MKX: variants seen among roughly 807,000 people sequenced by gnomAD.
The protein encoded by MKX is mohawk homeobox.
A neutral mutation model predicts 36.0 loss-of-function variants in MKX; 13 were observed. The observed-to-expected ratio is 0.36, with a 90% CI of 0.24 to 0.57. MKX has a LOEUF of 0.57. Ranked by LOEUF, MKX falls within the 20% of genes least tolerant of loss-of-function variation. MKX has a pLI of 0.79. For missense variants in MKX, 458 were observed against 456.4 expected (o/e 1.00, Z -0.03); for synonymous variants, 176 against 178.3 (o/e 0.99, Z 0.10).
chr10:27,741,279 C>G lies in MKX; in HGVS notation c.348+66G>C, dbSNP rs1045034974. 11 of 1,595,720 alleles carry G rather than the reference C, an allele frequency of 6.9e-6. No homozygotes were observed. In the African/African-American group the frequency reaches 1.4e-4, roughly 20 times the overall value. On this transcript the variant is annotated intron_variant, in intron 3 of 6. Transcript: ENST00000419761. The surrounding 1 kb of genome is among the most constrained non-coding windows in gnomAD (Gnocchi z 5.1). ...CGCCACGTGGAGAGCCACACGAACT[C>G]TAAGCGTTCCCGCTCTTCAGCCCCT...
intron 5 of MKX, among the ~76,000 whole-genome samples, chr10:27,694,527 A>T (rs57627584): frequency 0.041 from 4,701 of 114,338 alleles, 259 homozygotes; most frequent in African/African-American, 0.13. Context: ...AAAAAAAAAA[A>T]ATATATATAT....
chr10:27,696,550 A>G (rs889219465), intron 5 of MKX, among the ~76,000 whole-genome samples: 3 of 152,184 alleles, frequency 2.0e-5, no homozygotes, highest in African/African-American at 7.2e-5. Flanking sequence ...AAAATTCTCA[A>G]AAGAGCACAA....
intron 1 of MKX, 158 bp downstream of exon 1, chr10:27,745,549 T>C (rs1402790402): frequency 2.0e-5 from 3 of 152,408 alleles, no homozygotes; most frequent in Non-Finnish European, 4.4e-5. Context: ...GCGCAGACCC[T>C]TGGGCCAGCC....
chr10:27,740,979 T>C (rs921734762), intron 3 of MKX, among the ~76,000 whole-genome samples: 3 of 152,116 alleles, frequency 2.0e-5, no homozygotes, highest in African/African-American at 7.2e-5. Flanking sequence ...ACCTGGGGCC[T>C]TGTAAGAGAT....
intron 3 of MKX, among the ~76,000 whole-genome samples, chr10:27,737,093 A>G (rs1312623225): frequency 6.6e-6 from 1 of 152,170 alleles, no homozygotes; most frequent in Non-Finnish European, 1.5e-5. Context: ...AGCGGAAAAG[A>G]ACTACACATA....
chr10:27,711,498 C>CTTTCTTTCT (rs1836866346), intron 5 of MKX, among the ~76,000 whole-genome samples: 1 of 52,984 alleles, frequency 1.9e-5, no homozygotes, highest in African/African-American at 1.3e-4. Flanking sequence ...TCTCTCTCTT[C>CTTTCTTTCT]TTTCCTTCCT....
intron 3 of MKX, among the ~76,000 whole-genome samples, chr10:27,740,083 G>A (rs1221944262): frequency 1.3e-5 from 2 of 152,070 alleles, no homozygotes; most frequent in Non-Finnish European, 2.9e-5. Flanking sequence ...AGATGTTTTT[G>A]TATATAATTA....
chr10:27,699,747 C>T (rs1414618175), intron 5 of MKX, among the ~76,000 whole-genome samples: 1 of 152,144 alleles, frequency 6.6e-6, no homozygotes, highest in Non-Finnish European at 1.5e-5. Flanking sequence ...CTTTGGGGTG[C>T]ATGTGTGACG....
intron 5 of MKX, among the ~76,000 whole-genome samples, chr10:27,700,118 G>GT (rs770297051): frequency 7.9e-5 from 12 of 152,176 alleles, no homozygotes; most frequent in Non-Finnish European, 1.5e-4. Flanking sequence ...TTCACAATAT[G>GT]TTTTTGGGAT....
rs1419327448 is a variant in MKX at position 27,744,307 on chromosome 10, G to A, written c.-82-810C>T. Among the ~76,000 whole-genome samples, 2 of 152,054 alleles carry A rather than the reference G, an allele frequency of 1.3e-5. No individual in the cohort carries two copies. Among genetic ancestry groups the A allele is most frequent in the Non-Finnish European group, 2.9e-5 (2 of 67,992 alleles). On this transcript the variant is annotated intron_variant, in intron 1 of 6. Transcript: ENST00000419761. This position sits in a 1 kb window ranked among gnomAD's most constrained non-coding sequence, Gnocchi z 5.6. ...CTCTTCCGCAGCGCGGGTGTCAGCCGCGAGCTCGTAGCCCCTCGACACCCG... is the reference window on the plus strand; with the variant it reads ...CTCTTCCGCAGCGCGGGTGTCAGCCACGAGCTCGTAGCCCCTCGACACCCG...
At position 27,743,218 on chromosome 10, in the gene MKX, G is replaced by C. The variant is rs1564369680; in HGVS notation, c.188+10C>G. 1.4e-6 allele frequency: 2 copies of C among 1,475,874 alleles called. No homozygotes were observed. Among genetic ancestry groups the C allele is most frequent in the Non-Finnish European group, 1.8e-6 (2 of 1,118,202 alleles). The allele number at this position is 1,475,874 out of a possible 1,614,324, so 91.4% of individuals were successfully genotyped here. On this transcript the variant is annotated intron_variant, in intron 2 of 6. Transcript: ENST00000419761. ...GCAGGCGGGCAGGGCCCCCAGGGGA[G>C]TGCGCATACCCGGTCCTCCGGTGTC...
intron 5 of MKX, among the ~76,000 whole-genome samples, chr10:27,703,465 C>G (rs1049301793): frequency 2.6e-5 from 4 of 151,124 alleles, no homozygotes; most frequent in African/African-American, 7.3e-5. Context: ...CATAACACCA[C>G]TAAGGTCAAT....
At chr10:27,726,688 T>G (rs1487426479) in intron 5 of MKX, among the ~76,000 whole-genome samples, 2 of 150,278 alleles carry the variant, frequency 1.3e-5, no homozygotes, top group Non-Finnish European at 3.0e-5. Flanking sequence ...TCTTAAACAT[T>G]TCATTGTTTT....
At chr10:27,680,501 TATACA>T (rs1836236709) in intron 5 of MKX, among the ~76,000 whole-genome samples, 1 of 152,006 alleles carries the variant, frequency 6.6e-6, no homozygotes, top group African/African-American at 2.4e-5. Context: ...GAGAAAAAAT[TATACA>T]GAAAACTCAG....
intron 5 of MKX, among the ~76,000 whole-genome samples, chr10:27,703,623 G>A (rs1836699178): frequency 6.6e-6 from 1 of 152,120 alleles, no homozygotes; most frequent in Non-Finnish European, 1.5e-5. Flanking sequence ...AGTTGGCAGG[G>A]CTTGGTGGCT....
intron 3 of MKX, among the ~76,000 whole-genome samples, chr10:27,735,975 T>C (rs1263461692): frequency 6.6e-6 from 1 of 152,112 alleles, no homozygotes; most frequent in Non-Finnish European, 1.5e-5. Flanking sequence ...GGGAAGGAGA[T>C]GAAACTTTCT....
At chr10:27,676,070 G>A (rs1836142270) in intron 5 of MKX, among the ~76,000 whole-genome samples, 2 of 152,102 alleles carry the variant, frequency 1.3e-5, no homozygotes, top group African/African-American at 4.8e-5. Flanking sequence ...AGGAATTCGA[G>A]ACCAGCCTGC....
At chr10:27,721,329 AAT>A (rs1175260246) in intron 5 of MKX, among the ~76,000 whole-genome samples, 2 of 152,180 alleles carry the variant, frequency 1.3e-5, no homozygotes, top group African/African-American at 4.8e-5. Flanking sequence ...CACTCATGAA[AAT>A]GGTACGCTAT....
At chr10:27,717,035 G>C (rs1836977878) in intron 5 of MKX, among the ~76,000 whole-genome samples, 1 of 152,124 alleles carries the variant, frequency 6.6e-6, no homozygotes, top group African/African-American at 2.4e-5. Flanking sequence ...TCAACATGTG[G>C]GTGTTGGTTT....
Sources: gnomAD v4.1 joint callset for allele counts (sites outside exome capture counted in the v4.1 genomes callset) on GRCh38, gnomAD v4.1.1 for gene constraint, Gnocchi (gnomAD v3.1) non-coding constraint, MANE v1.5 for transcripts, NCBI Gene and HGNC (gene_info 2026-07-23, HGNC 2026-07-21) for gene names.